The following ATP5PF variants were observed in gnomAD, a reference collection of about 807,000 sequenced individuals.
ATP5PF encodes the protein ATP synthase peripheral stalk subunit F6, mitochondrial.
In ATP5PF, 7 loss-of-function variants were observed where a neutral mutation model predicts 12.0. The observed-to-expected ratio is 0.58, with a 90% CI of 0.33 to 1.10. The LOEUF (loss-of-function observed/expected upper bound fraction) is 1.10, where lower values mean the gene tolerates loss of function less well. Ranked by LOEUF, ATP5PF falls within the 50% of genes least tolerant of loss-of-function variation. The pLI is 0.03. For synonymous variants in ATP5PF, 41 were observed against 45.4 expected (o/e 0.90, Z 0.39); for missense variants, 120 against 127.7 (o/e 0.94, Z 0.29).
chr21:25,734,057 A>G (rs2034904142), intron 1 of ATP5PF, among the ~76,000 whole-genome samples: 1 of 152,192 alleles, frequency 6.6e-6, no homozygotes, highest in East Asian at 1.9e-4. Flanking sequence ...TCCCATATCA[A>G]AACTTGTTCC....
Position 25,729,712 on chromosome 21 carries a change from G to GT in ATP5PF, c.82dup (p.Thr28AsnfsTer6), listed in dbSNP as rs1568929727. ...AAGTTCCTTATTAAATGCCACTGCTGTAACACCAATGTTCCTCCGCAAATG... is the reference window on the plus strand; with the variant it reads ...AAGTTCCTTATTAAATGCCACTGCTGTTAACACCAATGTTCCTCCGCAAATG... On this transcript the variant is annotated frameshift_variant, in exon 2 of 4. Transcript: ENST00000284971. LOFTEE classifies it high-confidence loss of function. 2 of 1,613,866 alleles carry GT rather than the reference G, an allele frequency of 1.2e-6. No homozygotes were observed. The highest frequency in any genetic ancestry group is 1.7e-5 in the Admixed American group (1 of 60,012).
At chr21:25,729,113 T>G (rs545029167) in intron 2 of ATP5PF, among the ~76,000 whole-genome samples, 46 of 152,348 alleles carry the variant, frequency 3.0e-4, no homozygotes, top group African/African-American at 1.0e-3. Context: ...TCCTTTAATA[T>G]ACATTCTCAG....
chr21:25,731,406 C>CT (rs35211681), intron 1 of ATP5PF, among the ~76,000 whole-genome samples: 1 of 149,550 alleles, frequency 6.7e-6, no homozygotes, highest in Non-Finnish European at 1.5e-5. Context: ...ATTTCTCAAT[C>CT]TTTTTTTTTT....
At chr21:25,733,423 C>T (rs1214261101) in intron 1 of ATP5PF, among the ~76,000 whole-genome samples, 2 of 151,732 alleles carry the variant, frequency 1.3e-5, no homozygotes, top group Non-Finnish European at 2.9e-5. Context: ...CCAGCTACTC[C>T]GGAGGCTGAG....
intron 2 of ATP5PF, among the ~76,000 whole-genome samples, chr21:25,728,980 G>A (rs552988618): frequency 4.1e-5 from 6 of 145,802 alleles, no homozygotes; most frequent in East Asian, 2.0e-4. Flanking sequence ...GAATTGGTGC[G>A]CCTCACTGTT....
At chr21:25,730,064 G>GT (rs2034719324) in intron 1 of ATP5PF, among the ~76,000 whole-genome samples, 1 of 152,172 alleles carries the variant, frequency 6.6e-6, no homozygotes, top group Admixed American at 6.5e-5. Flanking sequence ...GTGAGGTGAG[G>GT]TATTTCTTCC....
chr21:25,735,049 A>C (rs986955749), upstream of ATP5PF: 71 of 1,315,120 alleles, frequency 5.4e-5, no homozygotes, highest in African/African-American at 8.5e-4. Flanking sequence ...GACAGAAGCC[A>C]AACAGGAGGA....
upstream of ATP5PF, chr21:25,735,140 T>TC (rs1049683076): frequency 4.2e-5 from 28 of 672,492 alleles, no homozygotes; most frequent in African/African-American, 7.1e-5. Context: ...CCGTTCTTTT[T>TC]CCCCTCCTTG....
At chr21:25,726,718 G>GT (rs1472484621) in intron 2 of ATP5PF, among the ~76,000 whole-genome samples, 5 of 152,162 alleles carry the variant, frequency 3.3e-5, no homozygotes, top group Non-Finnish European at 2.9e-5. Flanking sequence ...GGCCAACTGG[G>GT]TCTCATTAAT....
chr21:25,731,102 C>T (rs1467857006), intron 1 of ATP5PF, among the ~76,000 whole-genome samples: 6 of 151,968 alleles, frequency 3.9e-5, no homozygotes, highest in African/African-American at 9.7e-5. Context: ...ATAAGTCAGG[C>T]GTGCTAGCGC....
intron 1 of ATP5PF, among the ~76,000 whole-genome samples, chr21:25,732,193 A>C (rs1218732296): frequency 6.6e-6 from 1 of 152,216 alleles, no homozygotes; most frequent in Non-Finnish European, 1.5e-5. Context: ...TGTTCTCACC[A>C]AGCTGAGTGC....
In ATP5PF at chr21:25,724,658, G is replaced by T. The variant is rs377177728; in HGVS notation, c.309C>A (p.Ile103=). ...FKFEDPKFEV[I]EKPQA is the part of the protein sequence containing the mutation. ...TATTTCTTCAGGCCTGGGGTTTTTC[G>T]ATGACTTCAAATTTGGGATCTAAGA... is the stretch of plus-strand genomic sequence containing the variant. Residue 103 remains isoleucine (I), a synonymous_variant, in exon 4 of 4, where the codon ATC becomes ATA. Coordinates refer to ENST00000284971, the MANE Select transcript of ATP5PF (RefSeq NM_001003703.2). 1 of 1,594,696 alleles carries T rather than the reference G, an allele frequency of 6.3e-7. No homozygotes were observed.
intron 1 of ATP5PF, among the ~76,000 whole-genome samples, chr21:25,732,758 G>A (rs896472680): frequency 1.1e-4 from 16 of 151,934 alleles, no homozygotes; most frequent in African/African-American, 3.9e-4. Context: ...GCCAAGGTGG[G>A]TGGATCACCT....
chr21:25,731,051 G>A (rs2034761998), intron 1 of ATP5PF, among the ~76,000 whole-genome samples: 1 of 152,084 alleles, frequency 6.6e-6, no homozygotes, highest in African/African-American at 2.4e-5. Context: ...AGACCAGCCT[G>A]CCCAAAATGG....
chr21:25,732,985 CAAAAAAAA>C lies in ATP5PF; in HGVS notation c.-8+1860_-8+1867del, dbSNP rs370858284. On this transcript the variant is annotated intron_variant, in intron 1 of 3. Coordinates refer to ENST00000284971, the MANE Select transcript of ATP5PF (RefSeq NM_001003703.2). ...GGGCAACAAGAGTGAAACTCTGTCT[CAAAAAAAA>C]AAAAAAAAAAAAAAAAAAAGAAATC... Among the ~76,000 whole-genome samples, 12 of 47,810 alleles carry C rather than the reference CAAAAAAAA, an allele frequency of 2.5e-4. No individual in the cohort carries two copies. The South Asian group carries it at 4.6e-3, about 18-fold the overall frequency. The allele number at this position is 47,810 out of a possible 152,430, so 31.4% of individuals were successfully genotyped here. A position where few individuals can be genotyped will look rare whatever the true frequency, so the allele number is the denominator to read the frequency against.
At chr21:25,731,531 T>C (rs2123453096) in intron 1 of ATP5PF, among the ~76,000 whole-genome samples, 1 of 151,880 alleles carries the variant, frequency 6.6e-6, no homozygotes, top group South Asian at 2.1e-4. Context: ...AGCACAGTTG[T>C]GTGCCATCAC....
At chr21:25,732,985 CAAAAAAAAAA>C (rs370858284) in intron 1 of ATP5PF, among the ~76,000 whole-genome samples, 7 of 47,810 alleles carry the variant, frequency 1.5e-4, no homozygotes, top group South Asian at 3.1e-3. Context: ...AACTCTGTCT[CAAAAAAAAAA>C]AAAAAAAAAA....
chr21:25,733,079 A>G (rs2034843731), intron 1 of ATP5PF, among the ~76,000 whole-genome samples: 1 of 151,012 alleles, frequency 6.6e-6, no homozygotes, highest in Non-Finnish European at 1.5e-5. Context: ...AAACTGTTTG[A>G]AGAAATTAAA....
chr21:25,730,060 T>G (rs560710466), intron 1 of ATP5PF, among the ~76,000 whole-genome samples: 1 of 152,284 alleles, frequency 6.6e-6, no homozygotes, highest in South Asian at 2.1e-4. Context: ...AAATGTGAGG[T>G]GAGGTATTTC....
Sources: gnomAD v4.1 joint callset for allele counts (sites outside exome capture counted in the v4.1 genomes callset) on GRCh38, gnomAD v4.1.1 for gene constraint, MANE v1.5 for transcripts, NCBI Gene and HGNC (gene_info 2026-07-23, HGNC 2026-07-21) for gene names.